The following TBC1D15 variants were observed in gnomAD, a reference collection of about 807,000 sequenced individuals.
The protein encoded by TBC1D15 is GAP for RAB7.
Under a neutral mutation model 95.4 loss-of-function variants are expected in TBC1D15, and 39 were observed. The observed-to-expected ratio is 0.41, with a 90% CI of 0.32 to 0.53. The LOEUF is 0.53. Among genes scored for constraint, TBC1D15 ranks in the 20% least tolerant of loss-of-function variants. The pLI is 0.29. For missense variants in TBC1D15, 733 were observed against 794.3 expected, an observed-to-expected ratio of 0.92 and a Z score of 0.93; for synonymous variants, 258 against 261.3, an observed-to-expected ratio of 0.99 and a Z score of 0.12.
chr12:71,908,414 A>T (rs1214015007), intron 11 of TBC1D15, among the ~76,000 whole-genome samples: 1 of 152,216 alleles, frequency 6.6e-6, no homozygotes, highest in Non-Finnish European at 1.5e-5. Flanking sequence ...AATGTTTTCT[A>T]GATTAGTAAC....
intron 3 of TBC1D15, among the ~76,000 whole-genome samples, chr12:71,874,074 C>A (rs892941273): frequency 6.6e-6 from 1 of 152,110 alleles, no homozygotes; most frequent in African/African-American, 2.4e-5. Flanking sequence ...GGATTAGGGC[C>A]CATCCTGATA....
intron 5 of TBC1D15, among the ~76,000 whole-genome samples, chr12:71,891,028 G>A (rs750692907): frequency 6.6e-6 from 1 of 152,122 alleles, no homozygotes; most frequent in Non-Finnish European, 1.5e-5. Flanking sequence ...TCATCAAACA[G>A]CACCAACCAT....
intron 5 of TBC1D15, among the ~76,000 whole-genome samples, chr12:71,886,016 G>A (rs1217477204): frequency 6.6e-6 from 1 of 152,224 alleles, no homozygotes; most frequent in Admixed American, 6.5e-5. Context: ...CATGTTAGCA[G>A]GTTCTTCCAG....
intron 10 of TBC1D15, among the ~76,000 whole-genome samples, chr12:71,905,337 T>TC (rs1566052444): frequency 1.3e-5 from 2 of 152,178 alleles, no homozygotes; most frequent in African/African-American, 4.8e-5. Context: ...GACTTTTTTT[T>TC]CTTTTTGAGT....
intron 10 of TBC1D15, among the ~76,000 whole-genome samples, chr12:71,905,526 A>G (rs954430628): frequency 1.3e-5 from 2 of 152,010 alleles, no homozygotes; most frequent in African/African-American, 2.4e-5. Flanking sequence ...GGGTTTTGCC[A>G]TGTTGCCCAG....
At chr12:71,850,984 CAAAAA>C (rs1206992856) in intron 1 of TBC1D15, among the ~76,000 whole-genome samples, 7 of 46,956 alleles carry the variant, frequency 1.5e-4, no homozygotes, top group African/African-American at 3.5e-4. Flanking sequence ...CACTCCATCT[CAAAAA>C]AAAAAAAAAA....
intron 1 of TBC1D15, among the ~76,000 whole-genome samples, chr12:71,854,044 C>T (rs939829437): frequency 2.6e-5 from 4 of 152,324 alleles, no homozygotes; most frequent in African/African-American, 9.6e-5. Flanking sequence ...CCTGTGAACT[C>T]TAGCTGTATT....
intron 11 of TBC1D15, chr12:71,907,343 G>T (rs1325721045): frequency 2.9e-6 from 1 of 344,722 alleles, no homozygotes; most frequent in Non-Finnish European, 5.2e-6. Context: ...AGCACCATGG[G>T]ATATTTAAAA....
intron 1 of TBC1D15, among the ~76,000 whole-genome samples, chr12:71,865,436 G>A (rs1014703437): frequency 6.6e-6 from 1 of 152,144 alleles, no homozygotes; most frequent in Non-Finnish European, 1.5e-5. Flanking sequence ...GGGTTCAGTG[G>A]TAACGTGGAT....
chr12:71,922,603 T>A (rs750926949), intron 16 of TBC1D15, among the ~76,000 whole-genome samples: 1 of 152,232 alleles, frequency 6.6e-6, no homozygotes, highest in African/African-American at 2.4e-5. Flanking sequence ...ACCTGTTCTC[T>A]TCCAAAGCAT....
intron 3 of TBC1D15, among the ~76,000 whole-genome samples, chr12:71,878,202 AAT>A (rs1894372410): frequency 6.6e-6 from 1 of 152,176 alleles, no homozygotes; most frequent in African/African-American, 2.4e-5. Flanking sequence ...ACTTTCAGTT[AAT>A]TCTCCTGATT....
At chr12:71,843,180 C>T (rs755971783) in intron 1 of TBC1D15, among the ~76,000 whole-genome samples, 3 of 152,028 alleles carry the variant, frequency 2.0e-5, no homozygotes, top group Non-Finnish European at 4.4e-5. Flanking sequence ...ACTCAGGAGG[C>T]TAAGGCAGGA....
In TBC1D15 at chr12:71,877,208, G is replaced by GT. The variant is rs750123637; in HGVS notation, c.205-3260dup. Among the ~76,000 whole-genome samples the GT allele has an allele frequency of 6.0e-4, 82 of 136,178 alleles. No homozygotes were observed. The East Asian group carries it at 0.012, about 19-fold the overall frequency. 89.3% of individuals were successfully genotyped at this position (136,178 alleles called of 152,430 possible). A position where few individuals can be genotyped will look rare whatever the true frequency, so the allele number is the denominator to read the frequency against. On this transcript the variant is annotated intron_variant, in intron 3 of 16. Coordinates refer to ENST00000485960, the MANE Select transcript of TBC1D15 (RefSeq NM_001146213.3). ...TCCCATGTTATGTGTGTGTGTGTGT[G>GT]TGTTTTTTTTTTTTTTAAACCTCTC...
chr12:71,842,391 G>T (rs548173219), intron 1 of TBC1D15, among the ~76,000 whole-genome samples: 23 of 152,220 alleles, frequency 1.5e-4, no homozygotes, highest in Admixed American at 7.9e-4. Context: ...CTTTATTCTT[G>T]GTATGAGGAT....
chr12:71,889,498 C>G (rs1165562349), intron 5 of TBC1D15, among the ~76,000 whole-genome samples: 2 of 152,134 alleles, frequency 1.3e-5, no homozygotes, highest in Non-Finnish European at 2.9e-5. Flanking sequence ...CCATGTAGCT[C>G]ACCATAGATT....
intron 1 of TBC1D15, among the ~76,000 whole-genome samples, chr12:71,846,738 A>C (rs1367583059): frequency 1.3e-5 from 2 of 149,408 alleles, no homozygotes; most frequent in African/African-American, 4.9e-5. Flanking sequence ...TTTCTATGTA[A>C]ATTATTTTTT....
chr12:71,879,106 T>A (rs1417179493), intron 3 of TBC1D15, among the ~76,000 whole-genome samples: 1 of 151,678 alleles, frequency 6.6e-6, no homozygotes, highest in Non-Finnish European at 1.5e-5. Context: ...TTGACTAGAG[T>A]CTTTTCCCTT....
chr12:71,905,078 T>A (rs1900355066), intron 10 of TBC1D15, among the ~76,000 whole-genome samples: 1 of 152,240 alleles, frequency 6.6e-6, no homozygotes, highest in South Asian at 2.1e-4. Flanking sequence ...GAAATAATTA[T>A]AAAATAACAT....
intron 7 of TBC1D15, 109 bp from the exon 8 acceptor site, chr12:71,895,838 G>T: frequency 1.9e-6 from 2 of 1,050,272 alleles, no homozygotes; most frequent in Non-Finnish European, 2.7e-6. Flanking sequence ...AATCTTAAAA[G>T]TATTAGAAGT....
Sources: gnomAD v4.1 joint callset for allele counts (sites outside exome capture counted in the v4.1 genomes callset) on GRCh38, gnomAD v4.1.1 for gene constraint, MANE v1.5 for transcripts, NCBI Gene and HGNC (gene_info 2026-07-23, HGNC 2026-07-21) for gene names.